Variants in RELN observed in about 807,000 individuals in gnomAD.
RELN encodes the protein reelin.
A neutral mutation model predicts 427.6 loss-of-function variants in RELN; 108 were observed. The ratio of observed to expected loss-of-function variants is 0.25; its 90% CI spans 0.22 to 0.30. RELN has a LOEUF of 0.30. Among genes scored for constraint, RELN ranks in the 10% least tolerant of loss-of-function variants. RELN has a pLI of 1.00. For synonymous variants in RELN, 1,524 were observed against 1,513.4 expected (o/e 1.01, Z -0.16); for missense variants, 3,715 against 4,302.8 (o/e 0.86, Z 3.82).
intron 53 of RELN, 137 bp from the exon 54 acceptor site, chr7:103,498,389 A>G (rs1225605215): frequency 7.7e-6 from 6 of 782,396 alleles, no homozygotes; most frequent in Non-Finnish European, 1.3e-5. Flanking sequence ...ATGTTTAAAA[A>G]AGGCTATTTC....
At chr7:103,540,584 C>T (rs930508013) in intron 43 of RELN, 129 bp from the exon 44 acceptor site, 1 of 775,722 alleles carries the variant, frequency 1.3e-6, no homozygotes, top group African/African-American at 1.7e-5. Context: ...TAATGAGTGT[C>T]CAAAGCAATC....
intron 3 of RELN, among the ~76,000 whole-genome samples, chr7:103,819,290 T>C (rs570338338): frequency 6.6e-6 from 1 of 152,174 alleles, no homozygotes; most frequent in African/African-American, 2.4e-5. Flanking sequence ...AAGTCTAAAC[T>C]AAGACATTTT....
chr7:103,900,232 C>A (rs185366103), intron 2 of RELN, among the ~76,000 whole-genome samples: 6 of 152,124 alleles, frequency 3.9e-5, no homozygotes, highest in African/African-American at 4.8e-5. Flanking sequence ...AGGAATACAA[C>A]TTAGAAGATA....
At chr7:103,571,096 T>A (rs1482174147) in intron 31 of RELN, among the ~76,000 whole-genome samples, 1 of 152,244 alleles carries the variant, frequency 6.6e-6, no homozygotes, top group East Asian at 1.9e-4. Context: ...TTATTAAACC[T>A]TTCAGTTAGT....
At chr7:103,487,985 A>C (rs1474706242) in intron 60 of RELN, among the ~76,000 whole-genome samples, 1 of 152,096 alleles carries the variant, frequency 6.6e-6, no homozygotes, top group Non-Finnish European at 1.5e-5. Context: ...CTCTACTAAA[A>C]ATACAAAAGA....
intron 3 of RELN, among the ~76,000 whole-genome samples, chr7:103,793,176 T>C (rs1452261998): frequency 6.6e-6 from 1 of 152,174 alleles, no homozygotes; most frequent in Admixed American, 6.5e-5. Context: ...TAAGTAGTTC[T>C]TCTTTTACCT....
intron 3 of RELN, among the ~76,000 whole-genome samples, chr7:103,780,057 T>C (rs755997992): frequency 1.3e-5 from 2 of 152,210 alleles, no homozygotes; most frequent in Non-Finnish European, 2.9e-5. Context: ...ATGTCTTCTC[T>C]GACTTGTATT....
chr7:103,857,041 G>T (rs1793964127), intron 2 of RELN, among the ~76,000 whole-genome samples: 1 of 152,178 alleles, frequency 6.6e-6, no homozygotes, highest in Admixed American at 6.6e-5. Flanking sequence ...CCTAGCAAAG[G>T]TTATTAGTAA....
rs1484825393 is a variant in RELN, at chr7:103,573,523, A to T, written c.4511+569T>A. Among the ~76,000 whole-genome samples, 2 of 152,246 alleles carry T rather than the reference A, an allele frequency of 1.3e-5. No homozygotes were observed. The highest frequency in any genetic ancestry group is 3.8e-4 in the East Asian group (2 of 5,202). The stretch of plus-strand genomic sequence containing the variant: ...TTTGTGAGGAGGTCTAAAAATTTTA[A>T]ACATTTTCTCTATTTCCTTTCTTCC... On this transcript the variant is annotated intron_variant, in intron 30 of 64. Transcript: ENST00000428762. The surrounding 1 kb of genome is among the most constrained non-coding windows in gnomAD (Gnocchi z 4.4).
intron 21 of RELN, 55 bp from the exon 22 acceptor site, chr7:103,610,862 T>C (rs1032941425): frequency 1.1e-6 from 1 of 937,718 alleles, no homozygotes; most frequent in Middle Eastern, 2.1e-4. Flanking sequence ...TCAGGTGAAA[T>C]ATGTCTACTC....
At chr7:103,984,985 T>C (rs1230708372) in intron 1 of RELN, among the ~76,000 whole-genome samples, 1 of 152,224 alleles carries the variant, frequency 6.6e-6, no homozygotes, top group African/African-American at 2.4e-5. Context: ...ACAAGAATTT[T>C]TAAATAGCAA....
intron 60 of RELN, among the ~76,000 whole-genome samples, chr7:103,487,539 T>C (rs1434986740): frequency 6.6e-6 from 1 of 151,976 alleles, no homozygotes; most frequent in Admixed American, 6.5e-5. Flanking sequence ...TTGGCTTATA[T>C]TGTTGGAAAA....
chr7:103,562,796 T>C (rs1310403306), intron 34 of RELN, among the ~76,000 whole-genome samples: 1 of 152,182 alleles, frequency 6.6e-6, no homozygotes, highest in African/African-American at 2.4e-5. Context: ...GCAACACTGT[T>C]TACCACCCTT....
intron 3 of RELN, among the ~76,000 whole-genome samples, chr7:103,799,935 T>C (rs1351892688): frequency 1.3e-5 from 2 of 151,478 alleles, no homozygotes; most frequent in Non-Finnish European, 2.9e-5. Context: ...ATTATCTCAA[T>C]AGATGCAGAA....
intron 1 of RELN, among the ~76,000 whole-genome samples, chr7:103,919,446 T>C (rs1795564751): frequency 6.6e-6 from 1 of 152,102 alleles, no homozygotes; most frequent in Non-Finnish European, 1.5e-5. Context: ...CACCCTTCTC[T>C]CCATCCCCTT....
At position 103,568,562 on chromosome 7, in the gene RELN, C is replaced by T. The variant is rs577533794; in HGVS notation, c.4589-1803G>A. 2.6e-5 allele frequency among the ~76,000 whole-genome samples: 4 copies of T among 152,106 alleles called. No individual in the cohort carries two copies. In the East Asian group the frequency reaches 7.7e-4, roughly 29 times the overall value. On this transcript the variant is annotated intron_variant, in intron 31 of 64. Coordinates refer to ENST00000428762, the MANE Select transcript of RELN (RefSeq NM_005045.4). ...CCAAAGTTCATGAAGAAAATGGAAG[C>T]AAGGCTGTTTCTTGTCTTTATTCTA...
At chr7:103,635,324 G>A (rs1832555053) in intron 19 of RELN, 101 bp downstream of exon 19, 1 of 1,316,452 alleles carries the variant, frequency 7.6e-7, no homozygotes. Flanking sequence ...CGCTCCATCT[G>A]TCAATGGAAA....
At position 103,551,268 on chromosome 7, in the gene RELN, G is replaced by A. The variant is rs757623449; in HGVS notation, c.6101C>T (p.Ser2034Leu). ...TTCCAGTCTCACTGGATCCGCGGAT[G>A]AGCTATCAGTCGAACAGCCAACGTT... ...EINVGCSTDS[S>L]SADPVRLEFS... is the part of the protein sequence containing the mutation. The change falls in exon 41 of 65, where the codon TCA becomes TTA. Residue 2034 changes from serine (S) to leucine (L), a missense_variant. Around this residue, in one of 4 missense-constraint regions of RELN, gnomAD observed 1,310 missense variants for 1,643.0 expected, o/e 0.80. Coordinates refer to ENST00000428762, the MANE Select transcript of RELN (RefSeq NM_005045.4). 1 of 1,613,914 alleles carries A rather than the reference G, an allele frequency of 6.2e-7. No homozygotes were observed. The highest frequency in any genetic ancestry group is 8.5e-7 in the Non-Finnish European group (1 of 1,180,006).
At chr7:103,644,166 A>G (rs894733168) in intron 16 of RELN, among the ~76,000 whole-genome samples, 3 of 151,882 alleles carry the variant, frequency 2.0e-5, no homozygotes, top group Non-Finnish European at 2.9e-5. Flanking sequence ...GTTTCTTGAG[A>G]TGAGAAGGAA....
Sources: gnomAD v4.1 joint callset for allele counts (sites outside exome capture counted in the v4.1 genomes callset) on GRCh38, gnomAD v4.1.1 for gene constraint, gnomAD v4.1.1 regional missense constraint, Gnocchi (gnomAD v3.1) non-coding constraint, MANE v1.5 for transcripts, NCBI Gene and HGNC (gene_info 2026-07-23, HGNC 2026-07-21) for gene names.